Variants in RNF216 observed in about 807,000 individuals in gnomAD.
RNF216 encodes E3 ubiquitin-protein ligase RNF216.
A neutral mutation model predicts 110.8 loss-of-function variants in RNF216; 72 were observed. The ratio of observed to expected loss-of-function variants is 0.65; its 90% CI spans 0.54 to 0.79. RNF216 has a LOEUF of 0.79. RNF216 is among the 30% of genes least tolerant of loss of function. RNF216 has a pLI of 0.00. For synonymous variants in RNF216, 495 were observed against 407.5 expected (o/e 1.21, Z -2.59); for missense variants, 1,342 against 1,141.2 (o/e 1.18, Z -2.54).
At chr7:5,708,026 C>G (rs192067779) in intron 13 of RNF216, among the ~76,000 whole-genome samples, 2 of 152,264 alleles carry the variant, frequency 1.3e-5, no homozygotes, top group East Asian at 1.9e-4. Flanking sequence ...CATGCCCGGA[C>G]AGTGTGTTTA....
Position 5,765,816 on chromosome 7 carries a change from C to T in RNF216, c.-69-4678G>A, listed in dbSNP as rs552998580. ...AAAAAAAAAAAAAAAATTAGCCAGG[C>T]GTGGCAGTATGTGCCTGTAATCCCA... On this transcript the variant is annotated intron_variant, in intron 1 of 16. Transcript: ENST00000389902. 1.6e-4 allele frequency among the ~76,000 whole-genome samples: 24 copies of T among 149,704 alleles called. No individual in the cohort carries two copies. The South Asian group carries it at 4.5e-3, about 28-fold the overall frequency.
chr7:5,718,958 A>AGAAAC (rs1420932666), intron 9 of RNF216, among the ~76,000 whole-genome samples: 1 of 152,232 alleles, frequency 6.6e-6, no homozygotes, highest in Non-Finnish European at 1.5e-5. Flanking sequence ...GTGCCTGGCC[A>AGAAAC]GAAACGAATA....
At chr7:5,652,721 G>C (rs1436937310) in intron 13 of RNF216, among the ~76,000 whole-genome samples, 1 of 152,158 alleles carries the variant, frequency 6.6e-6, no homozygotes, top group African/African-American at 2.4e-5. Context: ...TGTAGTACCA[G>C]CACTTTGGAA....
intron 13 of RNF216, among the ~76,000 whole-genome samples, chr7:5,693,956 G>A (rs1435407548): frequency 6.6e-6 from 1 of 152,150 alleles, no homozygotes; most frequent in Non-Finnish European, 1.5e-5. Context: ...ACTTGCTGTT[G>A]TTGACCAAAA....
In RNF216 at chr7:5,645,775, GA is replaced by G. The variant is rs113866497; in HGVS notation, c.2160-4400del. Among the ~76,000 whole-genome samples, 402 of 152,138 alleles carry G rather than the reference GA, an allele frequency of 2.6e-3. 5 individuals are homozygous for G. Among genetic ancestry groups the G allele is most frequent in the Middle Eastern group, 0.01 (3 of 294 alleles). On this transcript the variant is annotated intron_variant, in intron 14 of 16. Coordinates refer to ENST00000389902, the MANE Select transcript of RNF216 (RefSeq NM_207111.4). ...CCAGCTAATTTTTGTGTTTTTAGTA[GA>G]GAAAGGTTTCACCATGTTGGCCAGG...
intron 3 of RNF216, among the ~76,000 whole-genome samples, chr7:5,746,035 C>A (rs1795013109): frequency 6.6e-6 from 1 of 152,130 alleles, no homozygotes; most frequent in South Asian, 2.1e-4. Context: ...ACAGGTCTGG[C>A]AACCCAAAGG....
intron 1 of RNF216, among the ~76,000 whole-genome samples, chr7:5,780,871 G>A (rs1201209944): frequency 1.3e-5 from 2 of 152,220 alleles, no homozygotes; most frequent in African/African-American, 2.4e-5. Flanking sequence ...AGGGTTGGTT[G>A]CAAGTGGCCC....
intron 3 of RNF216, among the ~76,000 whole-genome samples, chr7:5,749,512 G>A (rs919736953): frequency 2.2e-4 from 33 of 152,162 alleles, no homozygotes; most frequent in African/African-American, 7.7e-4. Context: ...ATATGTCTTG[G>A]TATAAATGCT....
At chr7:5,734,825 A>AAAAT (rs577475175) in intron 5 of RNF216, among the ~76,000 whole-genome samples, 36,325 of 117,932 alleles carry the variant, frequency 0.31, 6,124 homozygotes, top group Admixed American at 0.39. Flanking sequence ...ACTCTCTCTC[A>AAAAT]AAATAAATAA....
chr7:5,690,922 A>G (rs531151141), intron 13 of RNF216, among the ~76,000 whole-genome samples: 1 of 152,166 alleles, frequency 6.6e-6, no homozygotes, highest in African/African-American at 2.4e-5. Flanking sequence ...GGCTGAAGAC[A>G]ACCTACAGAT....
At chr7:5,670,450 TAA>T (rs942800772) in intron 13 of RNF216, among the ~76,000 whole-genome samples, 14 of 152,072 alleles carry the variant, frequency 9.2e-5, no homozygotes, top group Admixed American at 3.9e-4. Context: ...GGTGGTTGGG[TAA>T]AAAAAGTCTT....
At position 5,715,139 on chromosome 7, in the gene RNF216, C is replaced by T. The variant is rs1461363835; in HGVS notation, c.1747G>A (p.Glu583Lys). 4 of 1,613,908 alleles carry T rather than the reference C, an allele frequency of 2.5e-6. No individual in the cohort carries two copies. The highest frequency in any genetic ancestry group is 3.4e-6 in the Non-Finnish European group (4 of 1,179,996). ...RCCYGEFPFE[E>K]LTQCADAHLF... ...TGAGCATCTGCGCACTGCGTCAGCTCCTCGAATGGAAATTCCCCATAGCAG... is the reference window on the plus strand; with the variant it reads ...TGAGCATCTGCGCACTGCGTCAGCTTCTCGAATGGAAATTCCCCATAGCAG... Residue 583 changes from glutamate to lysine, a missense_variant, in exon 11 of 17, where the codon GAG becomes AAG. Physicochemically the swap from Glu to Lys is moderately conservative, Grantham distance 56 (BLOSUM62 1). Coordinates refer to ENST00000389902, the MANE Select transcript of RNF216 (RefSeq NM_207111.4).
At chr7:5,672,965 T>C (rs993946865) in intron 13 of RNF216, among the ~76,000 whole-genome samples, 3 of 152,184 alleles carry the variant, frequency 2.0e-5, no homozygotes, top group Non-Finnish European at 4.4e-5. Flanking sequence ...TGAGATGTCC[T>C]GGCTACAGCT....
chr7:5,657,727 C>T (rs753513185), intron 13 of RNF216, among the ~76,000 whole-genome samples: 12 of 152,096 alleles, frequency 7.9e-5, no homozygotes, highest in Non-Finnish European at 1.2e-4. Flanking sequence ...AGATGCTGGT[C>T]CTCCCCACCC....
chr7:5,715,798 G>A (rs555984713), intron 10 of RNF216, among the ~76,000 whole-genome samples: 14 of 146,330 alleles, frequency 9.6e-5, no homozygotes, highest in Non-Finnish European at 1.2e-4. Context: ...CTGGAGTGCA[G>A]TGGCACGATC....
At chr7:5,652,970 G>A (rs959195139) in intron 13 of RNF216, among the ~76,000 whole-genome samples, 1 of 152,178 alleles carries the variant, frequency 6.6e-6, no homozygotes, top group Non-Finnish European at 1.5e-5. Flanking sequence ...CGGATCTTGG[G>A]TAATCTTGGG....
intron 14 of RNF216, among the ~76,000 whole-genome samples, chr7:5,645,365 T>C (rs976984478): frequency 1.3e-5 from 2 of 152,250 alleles, no homozygotes; most frequent in African/African-American, 4.8e-5. Context: ...TTCCCCTTAA[T>C]GTGAATATTG....
chr7:5,729,697 G>T, intron 6 of RNF216, 101 bp from the exon 7 acceptor site: 1 of 1,030,216 alleles, frequency 9.7e-7, no homozygotes, highest in Non-Finnish European at 1.4e-6. Context: ...AATAACATTT[G>T]TTCTAATTAC....
intron 9 of RNF216, among the ~76,000 whole-genome samples, chr7:5,719,151 T>A (rs908158637): frequency 6.6e-6 from 1 of 152,108 alleles, no homozygotes; most frequent in Non-Finnish European, 1.5e-5. Flanking sequence ...GCGGCTGAGT[T>A]GGGAGGACGG....
Sources: gnomAD v4.1 joint callset for allele counts (sites outside exome capture counted in the v4.1 genomes callset) on GRCh38, gnomAD v4.1.1 for gene constraint, MANE v1.5 for transcripts, NCBI Gene and HGNC (gene_info 2026-07-23, HGNC 2026-07-21) for gene names.